DOK6: variants seen among roughly 807,000 people sequenced by gnomAD.
The protein encoded by DOK6 is downstream of tyrosine kinase 6.
In DOK6, 22 loss-of-function variants were observed where a neutral mutation model predicts 44.0. That is an observed-to-expected ratio of 0.50 (90% CI 0.36 to 0.71). DOK6 has a LOEUF of 0.71. DOK6 is among the 30% of genes least tolerant of loss of function. The pLI is 0.00. For synonymous variants in DOK6, 166 were observed against 145.5 expected (o/e 1.14, Z -1.01); for missense variants, 340 against 416.4 (o/e 0.82, Z 1.60).
chr18:69,739,994 G>C (rs62090463), intron 6 of DOK6, among the ~76,000 whole-genome samples: 9,629 of 152,152 alleles, frequency 0.063, 441 homozygotes, highest in East Asian at 0.14. Context: ...AAAAGAAAGA[G>C]AACAGAAGTA....
At position 69,677,079 on chromosome 18, in the gene DOK6, AT is replaced by A. The variant is rs1301793226; in HGVS notation, c.290-652del. Among the ~76,000 whole-genome samples the A allele has an allele frequency of 2.0e-5, 3 of 152,140 alleles. No homozygotes were observed. In the East Asian group the frequency reaches 5.8e-4, roughly 29 times the overall value. ...TTTTTTAAAAAATAAGAATAGCCTA[AT>A]TTGTATTGTTTACAAAGAAAAATGA... is the stretch of plus-strand genomic sequence containing the variant. On this transcript the variant is annotated intron_variant, in intron 3 of 7. Coordinates refer to ENST00000382713, the MANE Select transcript of DOK6 (RefSeq NM_152721.6).
intron 3 of DOK6, among the ~76,000 whole-genome samples, chr18:69,639,950 A>C (rs777616565): frequency 2.6e-5 from 4 of 152,146 alleles, no homozygotes; most frequent in Non-Finnish European, 5.9e-5. Context: ...GGTCCTATTA[A>C]TTGATGATGA....
intron 1 of DOK6, among the ~76,000 whole-genome samples, chr18:69,563,559 T>C (rs9951144): frequency 0.96 from 144,175 of 150,534 alleles, 69,344 homozygotes; most frequent in East Asian, 1. Flanking sequence ...GGACAAAAAA[T>C]CAAACACCGC....
chr18:69,605,076 TTGTGTGTGTG>T lies in DOK6; in HGVS notation c.289+5620_289+5629del, dbSNP rs71176987. Among the ~76,000 whole-genome samples the T allele has an allele frequency of 6.9e-3, 869 of 125,854 alleles. 10 individuals are homozygous for T. The highest frequency in any genetic ancestry group is 0.024 in the African/African-American group (807 of 33,320). 82.6% of individuals were successfully genotyped at this position (125,854 alleles called of 152,430 possible). A position where few individuals can be genotyped will look rare whatever the true frequency, so the allele number is the denominator to read the frequency against. On this transcript the variant is annotated intron_variant, in intron 3 of 7. Transcript: ENST00000382713. The stretch of plus-strand genomic sequence containing the variant: ...GAGACCCCTGTTAGGAGAGATCCCT[TTGTGTGTGTG>T]TGTGTGTGTGTGTGTGTGTGTGTGT...
intron 1 of DOK6, among the ~76,000 whole-genome samples, chr18:69,506,898 C>CAT (rs1172651249): frequency 6.6e-6 from 1 of 151,390 alleles, no homozygotes. Context: ...CACATATGTA[C>CAT]ATATATACAC....
Position 69,511,389 on chromosome 18 carries a change from G to C in DOK6, c.67-53098G>C, listed in dbSNP as rs117987058. On this transcript the variant is annotated intron_variant, in intron 1 of 7. Coordinates refer to ENST00000382713, the MANE Select transcript of DOK6 (RefSeq NM_152721.6). ...AAACTGAACTTCTTTTAGGAGATGA[G>C]ATCTAATAATTATTATACTTGCCTA... Among the ~76,000 whole-genome samples, 42 of 152,212 alleles carry C rather than the reference G, an allele frequency of 2.8e-4. No individual in the cohort carries two copies. In the East Asian group the frequency reaches 5.4e-3, roughly 20 times the overall value.
chr18:69,554,135 C>T (rs745551869), intron 1 of DOK6, among the ~76,000 whole-genome samples: 2 of 152,030 alleles, frequency 1.3e-5, no homozygotes, highest in South Asian at 2.1e-4. Flanking sequence ...TTAAGGCACC[C>T]GTAGAGAAAA....
intron 2 of DOK6, among the ~76,000 whole-genome samples, chr18:69,598,076 T>C (rs1001643946): frequency 6.6e-6 from 1 of 152,116 alleles, no homozygotes; most frequent in Non-Finnish European, 1.5e-5. Flanking sequence ...TTAGGTTTTT[T>C]TGTGTTCTTA....
chr18:69,689,709 A>C (rs1248940417), intron 4 of DOK6, among the ~76,000 whole-genome samples: 1 of 152,170 alleles, frequency 6.6e-6, no homozygotes, highest in Non-Finnish European at 1.5e-5. Flanking sequence ...ATAGGAGAAT[A>C]TAGTACAGTA....
chr18:69,777,177 A>G (rs1321200383), intron 7 of DOK6, among the ~76,000 whole-genome samples: 1 of 151,994 alleles, frequency 6.6e-6, no homozygotes, highest in African/African-American at 2.4e-5. Context: ...AAGTAAAACT[A>G]ACTTTTTCAA....
At chr18:69,746,505 T>TGC (rs1450892732) in intron 6 of DOK6, among the ~76,000 whole-genome samples, 5 of 152,106 alleles carry the variant, frequency 3.3e-5, no homozygotes, top group African/African-American at 1.2e-4. Context: ...ATCTGCCCAG[T>TGC]TTGGCCTCCC....
chr18:69,829,564 T>C lies in DOK6; in HGVS notation c.857-11680T>C, dbSNP rs551959705. 9.5e-4 allele frequency among the ~76,000 whole-genome samples: 144 copies of C among 152,120 alleles called. 1 individual carries two copies. The highest frequency in any genetic ancestry group is 1.7e-3 in the Non-Finnish European group (115 of 67,944). On this transcript the variant is annotated intron_variant, in intron 7 of 7. Transcript: ENST00000382713. ...TTATACTATTAACCATTACACAATA[T>C]AGGAGTCCTTAATTTAGAGTGAGAG...
At chr18:69,522,590 A>C (rs994746534) in intron 1 of DOK6, among the ~76,000 whole-genome samples, 24 of 152,184 alleles carry the variant, frequency 1.6e-4, no homozygotes, top group Non-Finnish European at 3.2e-4. Flanking sequence ...TTAATTAAAG[A>C]AAAAGACAAA....
intron 7 of DOK6, among the ~76,000 whole-genome samples, chr18:69,822,980 A>G (rs900757450): frequency 6.6e-6 from 1 of 152,204 alleles, no homozygotes; most frequent in Non-Finnish European, 1.5e-5. Flanking sequence ...TCATTTCCCC[A>G]TGTCAGGACC....
intron 7 of DOK6, among the ~76,000 whole-genome samples, chr18:69,779,887 A>C (rs1294595651): frequency 6.6e-6 from 1 of 152,068 alleles, no homozygotes. Context: ...CTGTGAATAA[A>C]TATTTGCCAT....
At chr18:69,790,208 T>G (rs1980550916) in intron 7 of DOK6, among the ~76,000 whole-genome samples, 1 of 143,764 alleles carries the variant, frequency 7.0e-6, no homozygotes. Context: ...TAAGTGGGAG[T>G]TGAACAATAA....
At chr18:69,620,661 C>T (rs1243422519) in intron 3 of DOK6, among the ~76,000 whole-genome samples, 1 of 152,132 alleles carries the variant, frequency 6.6e-6, no homozygotes, top group Non-Finnish European at 1.5e-5. Context: ...AGTACAATGT[C>T]TGGCATTTGA....
chr18:69,733,537 A>G (rs1978489447), intron 5 of DOK6, among the ~76,000 whole-genome samples: 2 of 152,192 alleles, frequency 1.3e-5, no homozygotes, highest in African/African-American at 4.8e-5. Context: ...CCATGCTGAG[A>G]ACACTTATCC....
chr18:69,592,679 T>C (rs1399824970), intron 2 of DOK6, among the ~76,000 whole-genome samples: 2 of 152,174 alleles, frequency 1.3e-5, no homozygotes, highest in Non-Finnish European at 2.9e-5. Context: ...GTCAACTTCA[T>C]ATTTACTTAA....
Sources: allele counts gnomAD v4.1 joint callset (sites outside exome capture counted in the v4.1 genomes callset), GRCh38; gene constraint gnomAD v4.1.1; transcripts MANE v1.5; gene names NCBI Gene and HGNC (gene_info 2026-07-23, HGNC 2026-07-21).